The following DNM2 variants were observed in gnomAD, a reference collection of about 807,000 sequenced individuals.
DNM2 encodes dynamin 2, also known as dynamin-2.
DNM2 carries 15 observed loss-of-function variants against 99.0 expected under a neutral mutation model. That is an observed-to-expected ratio of 0.15 (90% CI 0.10 to 0.23). The LOEUF (loss-of-function observed/expected upper bound fraction) is 0.23, where lower values mean the gene tolerates loss of function less well. Ranked by LOEUF, DNM2 falls within the 10% of genes least tolerant of loss-of-function variation. The pLI is 1.00. For missense variants in DNM2, 742 were observed against 1,189.4 expected (o/e 0.62, Z 5.53); for synonymous variants, 525 against 481.2 (o/e 1.09, Z -1.19).
Position 10,777,200 on chromosome 19 carries a change from G to A in DNM2, c.672G>A (p.Leu224=). 2 of 1,614,206 alleles carry A rather than the reference G, an allele frequency of 1.2e-6. No homozygotes were observed. Among genetic ancestry groups the A allele is most frequent in the Non-Finnish European group, 1.7e-6 (2 of 1,180,034 alleles). ...TDARDVLENK[L]LPLRRGYIGV... is the part of the protein sequence containing the mutation. ...CCAGGGACGTCTTGGAGAACAAGTT[G>A]CTCCCGTTGAGAAGAGGTGTGGCTT... is the stretch of plus-strand genomic sequence containing the variant. The change falls in exon 5 of 21, where the codon TTG becomes TTA. Residue 224 remains leucine, a synonymous_variant. Coordinates refer to ENST00000389253, the MANE Select transcript of DNM2 (RefSeq NM_001005361.3).
Position 10,786,723 on chromosome 19 carries a change from C to G in DNM2, c.992+17C>G, listed in dbSNP as rs1018170338. 2.5e-6 allele frequency: 4 copies of G among 1,606,478 alleles called. No homozygotes were observed. The African/African-American group carries it at 5.4e-5, about 22-fold the overall frequency. ...CCTGCTGCAGTATGTACCCCGGCAC[C>G]CACCACCACCACCACCCTGGCCCCT... On this transcript the variant is annotated intron_variant, in intron 7 of 20. Transcript: ENST00000389253.
intron 1 of DNM2, among the ~76,000 whole-genome samples, chr19:10,724,256 C>A (rs1265849028): frequency 6.6e-6 from 1 of 152,170 alleles, no homozygotes; most frequent in Non-Finnish European, 1.5e-5. Flanking sequence ...CGGCTCACTG[C>A]AACCTCCGCC....
intron 1 of DNM2, among the ~76,000 whole-genome samples, chr19:10,750,453 T>C (rs114998174): frequency 1.4e-3 from 212 of 151,852 alleles, no homozygotes; most frequent in African/African-American, 4.8e-3. Context: ...CACTCCAGAC[T>C]GGGCAATATA....
At chr19:10,806,026 CAGCT>C in intron 13 of DNM2, 59 bp downstream of exon 13, 1 of 1,605,858 alleles carries the variant, frequency 6.2e-7, no homozygotes, top group Non-Finnish European at 8.5e-7. Flanking sequence ...CGCTAAGTGA[CAGCT>C]AAGCCCCCGT....
chr19:10,748,577 A>C lies in DNM2; in HGVS notation c.162-11161A>C, dbSNP rs1158419209. On this transcript the variant is annotated intron_variant, in intron 1 of 20. Transcript: ENST00000389253. ...CCGAGGTGGGCAGAGGAGACTGGGC[A>C]TGGGTCCCCACTTCTGCTCCAACAG... is the stretch of plus-strand genomic sequence containing the variant. 2.6e-5 allele frequency among the ~76,000 whole-genome samples: 4 copies of C among 152,258 alleles called. No homozygotes were observed. In the East Asian group the frequency reaches 5.8e-4, roughly 22 times the overall value.
chr19:10,763,094 G>C (rs2070687165), intron 2 of DNM2: 1 of 152,420 alleles, frequency 6.6e-6, no homozygotes, highest in Non-Finnish European at 1.5e-5. Context: ...TGTTTTGTTT[G>C]AGACAAGGTT....
At chr19:10,779,471 T>G (rs1302796286) in intron 5 of DNM2, among the ~76,000 whole-genome samples, 1 of 137,982 alleles carries the variant, frequency 7.2e-6, no homozygotes, top group Non-Finnish European at 1.6e-5. Context: ...CTGTTATAAG[T>G]TTTTTTCTTT....
Position 10,718,192 on chromosome 19 carries a change from T to G in DNM2, c.-51T>G. On this transcript the variant is annotated 5_prime_UTR_variant, in exon 1 of 21. Transcript: ENST00000389253. ...CGCCGCGGGGCCAGGTCGTTGAGGG[T>G]CGGCGGCGGGCGAGGAGCGCAGGGC... The G allele has an allele frequency of 1.4e-6, 2 of 1,386,556 alleles. No homozygotes were observed. The highest frequency in any genetic ancestry group is 1.9e-6 in the Non-Finnish European group (2 of 1,067,830). The allele number at this position is 1,386,556 out of a possible 1,614,324, so 85.9% of individuals were successfully genotyped here. A position where few individuals can be genotyped will look rare whatever the true frequency, so the allele number is the denominator to read the frequency against.
At chr19:10,739,861 CAAAAAAAAAAAAA>C (rs59755624) in intron 1 of DNM2, among the ~76,000 whole-genome samples, 2 of 32,644 alleles carry the variant, frequency 6.1e-5, no homozygotes, top group African/African-American at 1.2e-4. Flanking sequence ...CTCTCTCTCT[CAAAAAAAAAAAAA>C]AAAAAAAAAA....
chr19:10,761,798 C>T (rs1347344509), intron 2 of DNM2, among the ~76,000 whole-genome samples: 1 of 152,186 alleles, frequency 6.6e-6, no homozygotes, highest in African/African-American at 2.4e-5. Context: ...CCCGCCCAAC[C>T]TGGCAAGAAG....
At chr19:10,776,991 T>C in intron 4 of DNM2, 127 bp from the exon 5 acceptor site, 1 of 862,008 alleles carries the variant, frequency 1.2e-6, no homozygotes, top group South Asian at 1.4e-5. Context: ...GCCTGTGACG[T>C]TCTGGCTTTC....
intron 15 of DNM2, among the ~76,000 whole-genome samples, chr19:10,815,432 T>C (rs2072703427): frequency 6.6e-6 from 1 of 152,194 alleles, no homozygotes; most frequent in African/African-American, 2.4e-5. Context: ...TCCCCACCTA[T>C]AAAGTCAGGA....
rs3745674 is a variant in DNM2, at chr19:10,783,059, C to A, written c.788C>A (p.Pro263Gln). The change falls in exon 6 of 21, where the codon CCG becomes CAG. Residue 263 changes from proline to glutamine, a missense_variant. Transcript: ENST00000389253. ...GAGAGGAAGTTCTTCCTCTCCCACC[C>A]GGCCTACCGGCACATGGCCGACCGC... ...AAERKFFLSH[P>Q]AYRHMADRMG... The A allele has an allele frequency of 9.9e-6, 16 of 1,613,800 alleles. No homozygotes were observed. Among genetic ancestry groups the A allele is most frequent in the Non-Finnish European group, 1.3e-5 (15 of 1,180,056 alleles).
chr19:10,745,853 A>G (rs185114886), intron 1 of DNM2, among the ~76,000 whole-genome samples: 4 of 152,334 alleles, frequency 2.6e-5, no homozygotes, highest in Non-Finnish European at 5.9e-5. Context: ...GTAACCGGAG[A>G]TAGCCAGGAT....
Position 10,829,142 on chromosome 19 carries a change from T to C in DNM2, c.2165T>C (p.Met722Thr). The C allele has an allele frequency of 6.2e-7, 1 of 1,613,894 alleles. No individual in the cohort carries two copies. Residue 722 changes from methionine (M) to threonine (T), a missense_variant, in exon 19 of 21, where the codon ATG becomes ACG. Around this residue, in one of 7 missense-constraint regions of DNM2, gnomAD observed 187 missense variants for 218.8 expected, o/e 0.85. Transcript: ENST00000389253. The part of the protein sequence containing the change: ...SADQAQRRDD[M>T]LRMYHALKEA... ...GACCAGGCACAGCGGCGGGACGACATGCTGCGCATGTACCATGCCCTCAAG... is the reference window on the plus strand; with the variant it reads ...GACCAGGCACAGCGGCGGGACGACACGCTGCGCATGTACCATGCCCTCAAG...
intron 11 of DNM2, among the ~76,000 whole-genome samples, chr19:10,799,510 G>A (rs1183084145): frequency 6.6e-6 from 1 of 151,426 alleles, no homozygotes; most frequent in African/African-American, 2.4e-5. Context: ...GGTGTTTGGG[G>A]TGCTTTTTGT....
chr19:10,761,393 T>C (rs1164693884), intron 2 of DNM2, among the ~76,000 whole-genome samples: 1 of 151,978 alleles, frequency 6.6e-6, no homozygotes, highest in Admixed American at 6.6e-5. Flanking sequence ...CTGATCTCAG[T>C]GTATTTCTAT....
At chr19:10,784,008 T>C (rs2071470154) in intron 6 of DNM2, among the ~76,000 whole-genome samples, 1 of 152,178 alleles carries the variant, frequency 6.6e-6, no homozygotes, top group South Asian at 2.1e-4. Flanking sequence ...CCTATCGTTC[T>C]CTTCTTGTAA....
intron 9 of DNM2, 76 bp from the exon 10 acceptor site, chr19:10,797,304 G>C (rs2071971142): frequency 6.3e-7 from 1 of 1,589,648 alleles, no homozygotes; most frequent in Non-Finnish European, 8.5e-7. Flanking sequence ...TCTTCTCTCT[G>C]TCTCCTGTCC....
Sources: gnomAD v4.1 joint callset for allele counts (sites outside exome capture counted in the v4.1 genomes callset) on GRCh38, gnomAD v4.1.1 for gene constraint, gnomAD v4.1.1 regional missense constraint, MANE v1.5 for transcripts, NCBI Gene and HGNC (gene_info 2026-07-23, HGNC 2026-07-21) for gene names.